FAM220A: variants seen among roughly 807,000 people sequenced by gnomAD.
FAM220A encodes family with sequence similarity 220 member A, also known as protein FAM220A.
For synonymous variants in FAM220A, 141 were observed against 130.7 expected (o/e 1.08, Z -0.54); for missense variants, 392 against 321.6 (o/e 1.22, Z -1.68).
intron 1 of FAM220A, among the ~76,000 whole-genome samples, chr7:6,337,073 C>CTT (rs1223883811): frequency 2.1e-5 from 3 of 144,886 alleles, no homozygotes; most frequent in African/African-American, 5.0e-5. Flanking sequence ...TATTTTAATT[C>CTT]TTTTTTTTTT....
intron 1 of FAM220A, among the ~76,000 whole-genome samples, chr7:6,339,171 T>C (rs1781802480): frequency 6.6e-6 from 1 of 152,126 alleles, no homozygotes; most frequent in African/African-American, 2.4e-5. Flanking sequence ...TTGGCACGTC[T>C]AAATCACACC....
chr7:6,334,898 AGCTGGGATTATAG>A (rs1181294143), intron 1 of FAM220A, among the ~76,000 whole-genome samples: 12 of 150,430 alleles, frequency 8.0e-5, no homozygotes, highest in Non-Finnish European at 1.8e-4. Context: ...CCTCCTGAGT[AGCTGGGATTATAG>A]GCATGTGCCA....
At chr7:6,336,356 A>T (rs914613574) in intron 1 of FAM220A, among the ~76,000 whole-genome samples, 3 of 151,144 alleles carry the variant, frequency 2.0e-5, no homozygotes, top group African/African-American at 7.3e-5. Flanking sequence ...CTCAAAAAAG[A>T]AAAGAAAAAA....
intron 1 of FAM220A, among the ~76,000 whole-genome samples, chr7:6,348,069 C>T (rs1781990174): frequency 1.3e-5 from 2 of 151,664 alleles, no homozygotes; most frequent in Non-Finnish European, 2.9e-5. Flanking sequence ...CGCCACCACG[C>T]CCGGCTAATT....
At position 6,330,673 on chromosome 7, in the gene FAM220A, A is replaced by G; in HGVS notation, c.482T>C (p.Val161Ala). The part of the protein sequence containing the change: ...RVSRLPRHQK[V>A]PEMGSFQDDP... ...ATCCTGAAAACTTCCCATTTCCGGCACTTTTTGATGGCGTGGCAGTCGTGA... is the reference window on the plus strand; with the variant it reads ...ATCCTGAAAACTTCCCATTTCCGGCGCTTTTTGATGGCGTGGCAGTCGTGA... The change falls in exon 2 of 2, where the codon GTG (valine) becomes GCG (alanine). Residue 161 changes from valine to alanine, a missense_variant. By Grantham distance (64) the Val-to-Ala change is moderately conservative. Transcript: ENST00000313324. 6.2e-7 allele frequency: 1 copy of G among 1,613,978 alleles called. No homozygotes were observed. Among genetic ancestry groups the G allele is most frequent in the Admixed American group, 1.7e-5 (1 of 59,986 alleles).
Position 6,331,000 on chromosome 7 carries a change from A to C in FAM220A, c.155T>G (p.Val52Gly). The change falls in exon 2 of 2, where the codon GTT becomes GGT. Residue 52 changes from valine (V) to glycine (G), a missense_variant. Val to Gly is a moderately radical substitution (Grantham distance 109, BLOSUM62 -3). Coordinates refer to ENST00000313324, the MANE Select transcript of FAM220A (RefSeq NM_001037163.2). ...TGCCTCACTTTGTGAATTTCCATCA[A>C]CCACAGGCTTATTCATCCAGGAGGG... ...DAPSWMNKPV[V>G]DGNSQSEALS... 6.2e-7 allele frequency: 1 copy of C among 1,614,152 alleles called. No homozygotes were observed. Among genetic ancestry groups the C allele is most frequent in the Admixed American group, 1.7e-5 (1 of 60,012 alleles).
rs1051656585 is a variant in FAM220A, at chr7:6,348,881, C to T, written c.-390G>A. On this transcript the variant is annotated 5_prime_UTR_variant, in exon 1 of 2. Coordinates refer to ENST00000313324, the MANE Select transcript of FAM220A (RefSeq NM_001037163.2). ...GGCGGCGGCTAGACCGGCGGGCGGG[C>T]GGGCCGCAGTGGAGCGGAGTCCGCA... 5.2e-6 allele frequency: 2 copies of T among 388,254 alleles called. No individual in the cohort carries two copies. The highest frequency in any genetic ancestry group is 4.2e-5 in the African/African-American group (2 of 48,062). The allele number at this position is 388,254 out of a possible 1,614,324, so 24.1% of individuals were successfully genotyped here. A position where few individuals can be genotyped will look rare whatever the true frequency, so the allele number is the denominator to read the frequency against.
intron 1 of FAM220A, among the ~76,000 whole-genome samples, chr7:6,332,298 G>A (rs915943102): frequency 2.0e-5 from 3 of 151,918 alleles, no homozygotes; most frequent in African/African-American, 4.8e-5. Context: ...AAAAGTTCCT[G>A]TCCAAAGAAA....
At position 6,330,369 on chromosome 7, in the gene FAM220A, T is replaced by C. The variant is rs994746189; in HGVS notation, c.*6A>G. 3.1e-6 allele frequency: 5 copies of C among 1,605,686 alleles called. No homozygotes were observed. Among genetic ancestry groups the C allele is most frequent in the African/African-American group, 1.3e-5 (1 of 74,350 alleles). On this transcript the variant is annotated 3_prime_UTR_variant, in exon 2 of 2. Coordinates refer to ENST00000313324, the MANE Select transcript of FAM220A (RefSeq NM_001037163.2). ...ATTAATCTATTGGTATTGTTCTGCT[T>C]GTACCTTAACTATGGCATAATGTAT...
intron 1 of FAM220A, among the ~76,000 whole-genome samples, chr7:6,347,883 T>TTTATTATTATTA (rs143253434): frequency 0.041 from 5,449 of 131,456 alleles, 148 homozygotes; most frequent in Admixed American, 0.051. Context: ...ACGAGACCCC[T>TTTATTATTATTA]TTATTATTAT....
rs3750040 is a variant in FAM220A, at chr7:6,330,775, C to T, written c.380G>A (p.Arg127Gln). ...GGGCCCTCCTCCCAGCCAGTCTCGC[C>T]GCCCCAGAGCTTCAACACCACTGCA... ...VSCSGVEALG[R>Q]RDWLGGGPRA... The change falls in exon 2 of 2, where the codon CGG becomes CAG. Residue 127 changes from arginine (R) to glutamine (Q), a missense_variant. By Grantham distance (43) the Arg-to-Gln change is conservative. Coordinates refer to ENST00000313324, the MANE Select transcript of FAM220A (RefSeq NM_001037163.2). 854,721 of 1,613,848 alleles carry T rather than the reference C, an allele frequency of 0.53. 237,434 individuals carry two copies. Among genetic ancestry groups the T allele is most frequent in the East Asian group, 0.91 (40,662 of 44,858 alleles).
chr7:6,330,356 G>T lies in FAM220A; in HGVS notation c.*19C>A, dbSNP rs557897784. 4.4e-5 allele frequency: 70 copies of T among 1,590,266 alleles called. 1 individual carries two copies. The South Asian group carries it at 6.8e-4, about 15-fold the overall frequency. Reference sequence around the variant, plus strand: ...GACAACTCTTAAAATTAATCTATTGGTATTGTTCTGCTTGTACCTTAACTA... The same window carrying T: ...GACAACTCTTAAAATTAATCTATTGTTATTGTTCTGCTTGTACCTTAACTA... On this transcript the variant is annotated 3_prime_UTR_variant, in exon 2 of 2. Transcript: ENST00000313324.
chr7:6,344,054 T>C (rs1458149834), intron 1 of FAM220A, among the ~76,000 whole-genome samples: 1 of 151,960 alleles, frequency 6.6e-6, no homozygotes, highest in African/African-American at 2.4e-5. Context: ...TTCAACTAAC[T>C]TTTAATGTTT....
intron 1 of FAM220A, among the ~76,000 whole-genome samples, chr7:6,341,557 G>A (rs1212461644): frequency 6.6e-6 from 1 of 150,664 alleles, no homozygotes; most frequent in African/African-American, 2.4e-5. Flanking sequence ...AGGTGTAGTG[G>A]TGGGAGCCTG....
chr7:6,335,990 C>G (rs1045332105), intron 1 of FAM220A, among the ~76,000 whole-genome samples: 1 of 152,048 alleles, frequency 6.6e-6, no homozygotes, highest in Admixed American at 6.6e-5. Context: ...CTGGTCTACA[C>G]GGTGAAACCC....
At position 6,330,398 on chromosome 7, in the gene FAM220A, C is replaced by T. The variant is rs760435319; in HGVS notation, c.757G>A (p.Ala253Thr). The change falls in exon 2 of 2, where the codon GCA becomes ACA. Residue 253 changes from alanine (A) to threonine (T), a missense_variant. Transcript: ENST00000313324. ...CCTTAACTATGGCATAATGTATTTGCTAATTCAAAAGGTTGCAGAGCCAGT... is the reference window on the plus strand; with the variant it reads ...CCTTAACTATGGCATAATGTATTTGTTAATTCAAAAGGTTGCAGAGCCAGT... ...GLLALQPFEL[A>T]NTLCHS 1 of 1,613,160 alleles carries T rather than the reference C, an allele frequency of 6.2e-7. No homozygotes were observed. The highest frequency in any genetic ancestry group is 1.7e-4 in the Middle Eastern group (1 of 6,050).
chr7:6,333,908 GCC>G (rs1562445238), intron 1 of FAM220A, among the ~76,000 whole-genome samples: 1 of 141,482 alleles, frequency 7.1e-6, no homozygotes, highest in African/African-American at 2.7e-5. Context: ...GTGCAGTGGC[GCC>G]ATCTCAGCTC....
At position 6,333,110 on chromosome 7, in the gene FAM220A, TC is replaced by T. The variant is rs201799948; in HGVS notation, c.-81-1876del. Among the ~76,000 whole-genome samples the T allele has an allele frequency of 5.7e-3, 825 of 144,086 alleles. 3 individuals are homozygous for T. Among genetic ancestry groups the T allele is most frequent in the Admixed American group, 0.016 (228 of 14,158 alleles). 94.5% of individuals were successfully genotyped at this position (144,086 alleles called of 152,430 possible). On this transcript the variant is annotated intron_variant, in intron 1 of 1. Transcript: ENST00000313324. ...AGGCAGAGGTTGCAGTGAGCCGAGA[TC>T]CCACCACTGCACTCCAGCCTGGCGA...
chr7:6,338,813 G>A (rs1197645611), intron 1 of FAM220A: 2 of 152,280 alleles, frequency 1.3e-5, no homozygotes, highest in Non-Finnish European at 2.9e-5. Flanking sequence ...AAAATATCTT[G>A]GCCCCAATGT....
Sources: allele counts gnomAD v4.1 joint callset (sites outside exome capture counted in the v4.1 genomes callset), GRCh38; gene constraint gnomAD v4.1.1; transcripts MANE v1.5; gene names NCBI Gene and HGNC (gene_info 2026-07-23, HGNC 2026-07-21).